The following DACH1 variants were observed in gnomAD, a reference collection of about 807,000 sequenced individuals.
DACH1 encodes dachshund homolog 1.
A neutral mutation model predicts 54.2 loss-of-function variants in DACH1; 12 were observed. The ratio of observed to expected loss-of-function variants is 0.22; its 90% confidence interval spans 0.14 to 0.36. The LOEUF is 0.36. Ranked by LOEUF, DACH1 falls within the 10% of genes least tolerant of loss-of-function variation. The pLI, the probability that DACH1 is intolerant of heterozygous loss-of-function variation, is 1.00. For synonymous variants in DACH1, 386 were observed against 366.2 expected, an observed-to-expected ratio of 1.05 and a Z score of -0.62; for missense variants, 805 against 929.8, an observed-to-expected ratio of 0.87 and a Z score of 1.75.
At chr13:71,664,811 A>C (rs1879725405) in intron 2 of DACH1, among the ~76,000 whole-genome samples, 1 of 152,036 alleles carries the variant, frequency 6.6e-6, no homozygotes. Context: ...ATATTTGAAA[A>C]ATAGCTTCAA....
chr13:71,692,501 CTTTCCTTT>C (rs1881550163), intron 1 of DACH1, among the ~76,000 whole-genome samples: 1 of 71,660 alleles, frequency 1.4e-5, no homozygotes, highest in African/African-American at 6.1e-5. Context: ...TCTTTCTTTT[CTTTCCTTT>C]TTTTTTTTTT....
intron 3 of DACH1, among the ~76,000 whole-genome samples, chr13:71,615,996 G>A (rs1018458652): frequency 2.6e-5 from 4 of 152,116 alleles, no homozygotes; most frequent in African/African-American, 9.7e-5. Flanking sequence ...CTATTATACA[G>A]ATGAGGAAAC....
chr13:71,747,924 G>C (rs983755699), intron 1 of DACH1, among the ~76,000 whole-genome samples: 7 of 152,152 alleles, frequency 4.6e-5, no homozygotes, highest in Non-Finnish European at 1.5e-5. Context: ...TGAGGTGCAG[G>C]AAGGTCTTGC....
Position 71,614,984 on chromosome 13 carries a change from A to G in DACH1, c.1126+15572T>C, listed in dbSNP as rs372953172. Among the ~76,000 whole-genome samples the G allele has an allele frequency of 7.8e-3, 1,179 of 152,020 alleles. 9 individuals carry two copies. The highest frequency in any genetic ancestry group is 0.021 in the Middle Eastern group (6 of 292). ...TCTGAAGATAACGTATAAGTAAGGT[A>G]TCTGTTTCTAACTAAAATCATGTAA... On this transcript the variant is annotated intron_variant, in intron 3 of 10. Transcript: ENST00000613252.
Position 71,784,528 on chromosome 13 carries a change from G to A in DACH1, c.848+81394C>T, listed in dbSNP as rs546055697. ...ACACCCACTCACATAAGAAAACAGA[G>A]TATGTTTGGCTTCACAAACTGGGGC... On this transcript the variant is annotated intron_variant, in intron 1 of 10. Coordinates refer to ENST00000613252, the MANE Select transcript of DACH1 (RefSeq NM_080759.6). 6.3e-4 allele frequency among the ~76,000 whole-genome samples: 96 copies of A among 152,142 alleles called. 1 individual carries two copies. Among genetic ancestry groups the A allele is most frequent in the Non-Finnish European group, 1.1e-3 (73 of 67,954 alleles).
chr13:71,587,960 C>T (rs1015881175), intron 3 of DACH1, among the ~76,000 whole-genome samples: 1 of 152,184 alleles, frequency 6.6e-6, no homozygotes, highest in East Asian at 1.9e-4. Flanking sequence ...CAATTACATT[C>T]GGTTGGTCCT....
chr13:71,817,883 C>T lies in DACH1; in HGVS notation c.848+48039G>A, dbSNP rs113506799. Among the ~76,000 whole-genome samples, 1,025 of 139,476 alleles carry T rather than the reference C, an allele frequency of 7.3e-3. 7 individuals are homozygous for T. The highest frequency in any genetic ancestry group is 0.012 in the Non-Finnish European group (764 of 66,338). The allele number at this position is 139,476 out of a possible 152,430, so 91.5% of individuals were successfully genotyped here. On this transcript the variant is annotated intron_variant, in intron 1 of 10. Transcript: ENST00000613252. ...AGGCTGGAGTGCACTGGCATGATCTCGGCTCACTGCAACCTCTGCCTCCCA... is the reference window on the plus strand; with the variant it reads ...AGGCTGGAGTGCACTGGCATGATCTTGGCTCACTGCAACCTCTGCCTCCCA...
At chr13:71,552,804 T>TGA (rs1883913345) in intron 6 of DACH1, among the ~76,000 whole-genome samples, 2 of 19,922 alleles carry the variant, frequency 1.0e-4, no homozygotes, top group African/African-American at 4.1e-4. Flanking sequence ...TATATATATA[T>TGA]ATATATATAT....
intron 1 of DACH1, among the ~76,000 whole-genome samples, chr13:71,798,407 T>G (rs1006742712): frequency 2.0e-5 from 3 of 147,464 alleles, no homozygotes; most frequent in Non-Finnish European, 3.0e-5. Flanking sequence ...TGCAAACATA[T>G]GAAGAAGTAC....
At chr13:71,667,821 A>G (rs1027345102) in intron 2 of DACH1, among the ~76,000 whole-genome samples, 1 of 152,110 alleles carries the variant, frequency 6.6e-6, no homozygotes, top group African/African-American at 2.4e-5. Context: ...TCAAAATATC[A>G]TTATATTGTA....
At chr13:71,790,020 G>A (rs1164177766) in intron 1 of DACH1, among the ~76,000 whole-genome samples, 1 of 152,088 alleles carries the variant, frequency 6.6e-6, no homozygotes, top group Non-Finnish European at 1.5e-5. Flanking sequence ...AGAAATATCT[G>A]GGAGTGTTTA....
At chr13:71,763,564 T>C (rs1885490804) in intron 1 of DACH1, among the ~76,000 whole-genome samples, 1 of 151,850 alleles carries the variant, frequency 6.6e-6, no homozygotes, top group Admixed American at 6.6e-5. Context: ...TATCTTGCTG[T>C]ATTGCCCAGG....
intron 1 of DACH1, among the ~76,000 whole-genome samples, chr13:71,751,911 T>C (rs887286787): frequency 6.6e-5 from 10 of 152,198 alleles, no homozygotes; most frequent in Admixed American, 6.5e-4. Flanking sequence ...AAAACTTTTA[T>C]GTGTGAATTC....
intron 1 of DACH1, among the ~76,000 whole-genome samples, chr13:71,848,967 A>G (rs1873480476): frequency 6.6e-6 from 1 of 152,198 alleles, no homozygotes; most frequent in African/African-American, 2.4e-5. Flanking sequence ...CACCCAGGCA[A>G]TTCACATACT....
chr13:71,781,501 C>T (rs1010644565), intron 1 of DACH1, among the ~76,000 whole-genome samples: 1 of 151,882 alleles, frequency 6.6e-6, no homozygotes, highest in African/African-American at 2.4e-5. Flanking sequence ...GCCTCAGCCT[C>T]CCAAGTAGCT....
rs540836925 is a variant in DACH1 at position 71,801,850 on chromosome 13, GA to G, written c.848+64071del. Among the ~76,000 whole-genome samples, 268 of 86,534 alleles carry G rather than the reference GA, an allele frequency of 3.1e-3. 1 individual carries two copies. Among genetic ancestry groups the G allele is most frequent in the South Asian group, 0.015 (37 of 2,532 alleles). 56.8% of individuals were successfully genotyped at this position (86,534 alleles called of 152,430 possible). ...TTTATCTTGCCCAGTACTGAAAAAA[GA>G]AAAAAAAAAAAAAACTTCCAAAGGT... is the stretch of plus-strand genomic sequence containing the variant. On this transcript the variant is annotated intron_variant, in intron 1 of 10. Coordinates refer to ENST00000613252, the MANE Select transcript of DACH1 (RefSeq NM_080759.6).
At chr13:71,742,560 G>T (rs1884437291) in intron 1 of DACH1, among the ~76,000 whole-genome samples, 1 of 152,078 alleles carries the variant, frequency 6.6e-6, no homozygotes, top group Admixed American at 6.6e-5. Context: ...AAAATGCAAA[G>T]AAATGTTTTA....
At chr13:71,593,380 G>T (rs969555446) in intron 3 of DACH1, among the ~76,000 whole-genome samples, 2 of 151,978 alleles carry the variant, frequency 1.3e-5, no homozygotes, top group African/African-American at 2.4e-5. Context: ...ACAGACAATG[G>T]ATCTAAATTA....
At chr13:71,466,364 A>G (rs946104600) in intron 10 of DACH1, among the ~76,000 whole-genome samples, 1 of 152,176 alleles carries the variant, frequency 6.6e-6, no homozygotes, top group African/African-American at 2.4e-5. Context: ...TGCTAACAAG[A>G]CATTTATATT....
Sources: allele counts gnomAD v4.1 joint callset (sites outside exome capture counted in the v4.1 genomes callset), GRCh38; gene constraint gnomAD v4.1.1; transcripts MANE v1.5; gene names NCBI Gene and HGNC (gene_info 2026-07-23, HGNC 2026-07-21).